Variants in GALNT17 observed in about 807,000 individuals in gnomAD.
GALNT17 encodes polypeptide N-acetylgalactosaminyltransferase 17.
Under a neutral mutation model 63.7 loss-of-function variants are expected in GALNT17, and 29 were observed. That is an observed-to-expected ratio of 0.46 (90% confidence interval 0.34 to 0.62). The LOEUF (loss-of-function observed/expected upper bound fraction) is 0.62. Among genes scored for constraint, GALNT17 ranks in the 20% least tolerant of loss-of-function variants. GALNT17 has a pLI of 0.01. For missense variants in GALNT17, 603 were observed against 799.6 expected (o/e 0.75, Z 2.97); for synonymous variants, 305 against 318.3 (o/e 0.96, Z 0.45).
In GALNT17 at chr7:71,263,661, T is replaced by C. The variant is rs190377976; in HGVS notation, c.239-71889T>C. On this transcript the variant is annotated intron_variant, in intron 1 of 10. Coordinates refer to ENST00000333538, the MANE Select transcript of GALNT17 (RefSeq NM_022479.3). ...TGATCTGGCCGGGAGCGGTGGCTCATGCCTGTAATCCCAGCACTTTGAGAG... is the reference window on the plus strand; with the variant it reads ...TGATCTGGCCGGGAGCGGTGGCTCACGCCTGTAATCCCAGCACTTTGAGAG... 1.7e-3 allele frequency among the ~76,000 whole-genome samples: 262 copies of C among 152,180 alleles called. 1 individual carries two copies. The highest frequency in any genetic ancestry group is 3.7e-3 in the South Asian group (18 of 4,816).
In GALNT17 at chr7:71,132,898, G is replaced by A. The variant is rs61741535; in HGVS notation, c.96G>A (p.Ala32=). Residue 32 remains alanine, a synonymous_variant, in exon 1 of 11, where the codon GCG becomes GCA. Transcript: ENST00000333538. ...VLFLAKCRPI[A]VRSGDAFHEI... is the part of the protein sequence containing the mutation. Reference sequence around the variant, plus strand: ...TCCTGGCCAAGTGCCGGCCCATCGCGGTGCGCAGCGGAGACGCCTTCCACG... The same window carrying A: ...TCCTGGCCAAGTGCCGGCCCATCGCAGTGCGCAGCGGAGACGCCTTCCACG... The A allele has an allele frequency of 0.064, 103,695 of 1,612,638 alleles. 3,716 individuals are homozygous for A. The highest frequency in any genetic ancestry group is 0.11 in the East Asian group (4,806 of 44,784).
intron 1 of GALNT17, among the ~76,000 whole-genome samples, chr7:71,151,578 G>A (rs1441996418): frequency 1.3e-5 from 2 of 148,694 alleles, no homozygotes; most frequent in East Asian, 2.0e-4. Flanking sequence ...CCGAGATCGC[G>A]CCACTCACTC....
chr7:71,343,457 A>G (rs976459847), intron 2 of GALNT17, among the ~76,000 whole-genome samples: 1 of 152,172 alleles, frequency 6.6e-6, no homozygotes, highest in Non-Finnish European at 1.5e-5. Flanking sequence ...AGTGAGATTA[A>G]CCATTTGTTT....
chr7:71,436,561 T>C (rs1304412805), intron 5 of GALNT17, among the ~76,000 whole-genome samples: 1 of 151,402 alleles, frequency 6.6e-6, no homozygotes, highest in Non-Finnish European at 1.5e-5. Flanking sequence ...TTACTAAAAA[T>C]ACAAAAAATT....
At chr7:71,304,830 G>C (rs920420549) in intron 1 of GALNT17, among the ~76,000 whole-genome samples, 2 of 151,408 alleles carry the variant, frequency 1.3e-5, no homozygotes, top group African/African-American at 4.9e-5. Flanking sequence ...GTTCACCTCC[G>C]CCTCTTGGGT....
chr7:71,244,937 G>A (rs763283561), intron 1 of GALNT17, among the ~76,000 whole-genome samples: 3 of 151,418 alleles, frequency 2.0e-5, no homozygotes, highest in South Asian at 2.1e-4. Context: ...GATACAGAGC[G>A]AGACCCTATC....
intron 2 of GALNT17, among the ~76,000 whole-genome samples, chr7:71,347,081 T>C (rs796975282): frequency 2.3e-4 from 35 of 152,294 alleles, no homozygotes; most frequent in African/African-American, 8.4e-4. Context: ...GAGTGGAGTA[T>C]GTAAGTTGAG....
chr7:71,420,988 A>G lies in GALNT17; in HGVS notation c.845A>G (p.Asn282Ser), dbSNP rs202102121. Residue 282 changes from asparagine (N) to serine (S), a missense_variant, in exon 5 of 11, where the codon AAC (asparagine) becomes AGC (serine). This residue lies in a region of GALNT17 where 336 missense variants were observed against 507.8 expected (regional missense o/e 0.66). Coordinates refer to ENST00000333538, the MANE Select transcript of GALNT17 (RefSeq NM_022479.3). ...LPSIDNIKQD[N>S]FEVQRYENSA... ...TCCATTGACAACATCAAACAGGACA[A>G]CTTTGAGGTGCAGCGGTACGAGAAC... 6.2e-7 allele frequency: 1 copy of G among 1,614,012 alleles called. No individual in the cohort carries two copies. The highest frequency in any genetic ancestry group is 8.5e-7 in the Non-Finnish European group (1 of 1,180,032).
intron 9 of GALNT17, among the ~76,000 whole-genome samples, chr7:71,680,638 T>C (rs1454546849): frequency 1.6e-4 from 7 of 44,842 alleles, no homozygotes; most frequent in African/African-American, 3.0e-4. Context: ...TTTCCTTCCT[T>C]CCTCCCTCTC....
chr7:71,610,328 A>C (rs781136736), intron 6 of GALNT17, among the ~76,000 whole-genome samples: 9 of 151,914 alleles, frequency 5.9e-5, no homozygotes, highest in Non-Finnish European at 1.3e-4. Context: ...CTATCTCTTT[A>C]AAAAATAACT....
chr7:71,348,913 A>G (rs1792141586), intron 2 of GALNT17, among the ~76,000 whole-genome samples: 1 of 152,090 alleles, frequency 6.6e-6, no homozygotes, highest in African/African-American at 2.4e-5. Flanking sequence ...GTTAAAACCA[A>G]CCCATCCTAA....
intron 1 of GALNT17, among the ~76,000 whole-genome samples, chr7:71,243,482 G>A (rs1326255347): frequency 6.6e-6 from 1 of 152,040 alleles, no homozygotes; most frequent in Non-Finnish European, 1.5e-5. Context: ...CATGTTGGGC[G>A]ACCTTAATTC....
Position 71,711,536 on chromosome 7 carries a change from C to CGGAG in GALNT17, c.1669-482_1669-481insGGAG, listed in dbSNP as rs570191754. On this transcript the variant is annotated intron_variant, in intron 10 of 10. Coordinates refer to ENST00000333538, the MANE Select transcript of GALNT17 (RefSeq NM_022479.3). ...CTCTCTCCCTCTCTCTCCCTCTCTCCCTCTGTCTCCCTCTCTCTGCCTCTC... is the reference window on the plus strand; with the variant it reads ...CTCTCTCCCTCTCTCTCCCTCTCTCCGGAGCTCTGTCTCCCTCTCTCTGCCTCTC... Among the ~76,000 whole-genome samples the CGGAG allele has an allele frequency of 2.6e-4, 39 of 150,288 alleles. 1 individual carries two copies. The South Asian group carries it at 7.9e-3, about 30-fold the overall frequency.
At chr7:71,321,939 C>CCCTCCCTTCCTT (rs1791623387) in intron 1 of GALNT17, among the ~76,000 whole-genome samples, 2 of 114,322 alleles carry the variant, frequency 1.7e-5, no homozygotes, top group South Asian at 3.4e-4. Flanking sequence ...CTCCCTCCCT[C>CCCTCCCTTCCTT]CCTCCCTTCC....
intron 1 of GALNT17, among the ~76,000 whole-genome samples, chr7:71,308,646 C>G (rs775713437): frequency 2.0e-5 from 3 of 151,950 alleles, no homozygotes. Flanking sequence ...GATAAATAAA[C>G]ATGGATGCAA....
At chr7:71,493,141 G>A (rs890654001) in intron 5 of GALNT17, among the ~76,000 whole-genome samples, 2 of 152,226 alleles carry the variant, frequency 1.3e-5, no homozygotes, top group South Asian at 2.1e-4. Flanking sequence ...GCATCACCTT[G>A]TCTTTGAAGA....
intron 1 of GALNT17, among the ~76,000 whole-genome samples, chr7:71,142,417 C>T (rs1034435931): frequency 1.3e-5 from 2 of 152,162 alleles, no homozygotes; most frequent in African/African-American, 4.8e-5. Flanking sequence ...AATGATGGTG[C>T]CTTTGGCTGA....
intron 5 of GALNT17, among the ~76,000 whole-genome samples, chr7:71,477,121 AC>A (rs1787736714): frequency 6.6e-6 from 1 of 152,200 alleles, no homozygotes; most frequent in Non-Finnish European, 1.5e-5. Flanking sequence ...TACTACTACT[AC>A]TAATAATTAA....
chr7:71,481,411 C>T (rs532087914), intron 5 of GALNT17, among the ~76,000 whole-genome samples: 185 of 152,282 alleles, frequency 1.2e-3, no homozygotes, highest in Admixed American at 2.4e-3. Flanking sequence ...GATCGCACCA[C>T]TGCACTCCAG....
Sources: gnomAD v4.1 joint callset for allele counts (sites outside exome capture counted in the v4.1 genomes callset) on GRCh38, gnomAD v4.1.1 for gene constraint, gnomAD v4.1.1 regional missense constraint, MANE v1.5 for transcripts, NCBI Gene and HGNC (gene_info 2026-07-23, HGNC 2026-07-21) for gene names.